The following PCDH17 variants were observed in gnomAD, a reference collection of about 807,000 sequenced individuals.
PCDH17 encodes the protein protocadherin-17.
A neutral mutation model predicts 67.7 loss-of-function variants in PCDH17; 21 were observed. The observed-to-expected ratio is 0.31, with a 90% CI of 0.22 to 0.45. The LOEUF is 0.45. Among genes scored for constraint, PCDH17 ranks in the 20% least tolerant of loss-of-function variants. PCDH17 has a pLI of 1.00. For missense variants in PCDH17, 1,471 were observed against 1,564.8 expected, an observed-to-expected ratio of 0.94 and a Z score of 1.01; for synonymous variants, 701 against 656.7, an observed-to-expected ratio of 1.07 and a Z score of -1.03.
chr13:57,721,917 A>C (rs1034342278), intron 3 of PCDH17, among the ~76,000 whole-genome samples: 1 of 152,058 alleles, frequency 6.6e-6, no homozygotes, highest in Non-Finnish European at 1.5e-5. Context: ...TCCCTCTCTC[A>C]CAAATTCTAA....
intron 1 of PCDH17, among the ~76,000 whole-genome samples, chr13:57,660,114 C>T (rs758674211): frequency 6.6e-6 from 1 of 152,042 alleles, no homozygotes; most frequent in Admixed American, 6.6e-5. Context: ...GCCATGTTGG[C>T]GCACCCTTGT....
intron 1 of PCDH17, among the ~76,000 whole-genome samples, chr13:57,653,975 C>T (rs1427451274): frequency 1.3e-5 from 2 of 152,056 alleles, no homozygotes; most frequent in African/African-American, 4.8e-5. Context: ...AGGTGCTTTC[C>T]ACATGTACAT....
chr13:57,673,466 G>A (rs1395459252), intron 3 of PCDH17, among the ~76,000 whole-genome samples: 1 of 151,932 alleles, frequency 6.6e-6, no homozygotes, highest in Admixed American at 6.6e-5. Context: ...CTGTTCAGCT[G>A]TTAGTGAGAC....
chr13:57,671,444 T>C (rs1955321191), intron 3 of PCDH17, among the ~76,000 whole-genome samples: 1 of 151,874 alleles, frequency 6.6e-6, no homozygotes, highest in Non-Finnish European at 1.5e-5. Flanking sequence ...AATAAAACTT[T>C]TTTAAGAGTT....
intron 1 of PCDH17, among the ~76,000 whole-genome samples, chr13:57,635,530 G>C (rs1478081878): frequency 1.3e-5 from 2 of 151,908 alleles, no homozygotes; most frequent in African/African-American, 4.8e-5. Flanking sequence ...AAAATGAAAG[G>C]AACTTATACC....
chr13:57,638,305 G>A (rs1010337838), intron 1 of PCDH17, among the ~76,000 whole-genome samples: 6 of 151,990 alleles, frequency 3.9e-5, no homozygotes, highest in Admixed American at 6.6e-5. Context: ...ACTGCTTATC[G>A]TGATTTATCA....
At chr13:57,706,695 G>T (rs1955724716) in intron 3 of PCDH17, among the ~76,000 whole-genome samples, 2 of 152,146 alleles carry the variant, frequency 1.3e-5, no homozygotes, top group Non-Finnish European at 2.9e-5. Flanking sequence ...TTCATCTTCT[G>T]TGTTGACAGG....
Position 57,667,470 on chromosome 13 carries a change from T to C in PCDH17, c.2797+637T>C, listed in dbSNP as rs1036638504. On this transcript the variant is annotated intron_variant, in intron 3 of 3. Transcript: ENST00000377918. ...TTTATTAATTTTAATGTTTTTGTTG[T>C]TTCAAATACAATAAAATGTTTGCTA... Among the ~76,000 whole-genome samples, 18 of 152,070 alleles carry C rather than the reference T, an allele frequency of 1.2e-4. 1 individual carries two copies. Among genetic ancestry groups the C allele is most frequent in the African/African-American group, 4.1e-4 (17 of 41,438 alleles).
chr13:57,727,066 G>A lies in PCDH17; in HGVS notation c.*1772G>A, dbSNP rs775719905. ...GCGAGTTTCAAACTTACTTCCATAT[G>A]AGGCTAAGAAACCTCAAATTTCAGG... On this transcript the variant is annotated 3_prime_UTR_variant, in exon 4 of 4. Transcript: ENST00000377918. 8 of 152,454 alleles carry A rather than the reference G, an allele frequency of 5.2e-5. No homozygotes were observed. The East Asian group carries it at 7.7e-4, about 15-fold the overall frequency. The allele number at this position is 152,454 out of a possible 1,614,324, so 9.4% of individuals were successfully genotyped here.
intron 1 of PCDH17, among the ~76,000 whole-genome samples, chr13:57,657,811 T>C (rs17054231): frequency 3.3e-4 from 51 of 152,340 alleles, no homozygotes; most frequent in Non-Finnish European, 6.0e-4. Flanking sequence ...ACTGAAAATA[T>C]AAATTTGGCT....
chr13:57,641,133 T>C (rs193008095), intron 1 of PCDH17, among the ~76,000 whole-genome samples: 26 of 151,992 alleles, frequency 1.7e-4, no homozygotes, highest in Admixed American at 1.1e-3. Context: ...CAAAGCACTT[T>C]TAAACTTCGT....
At chr13:57,664,409 TTA>T (rs1227043197) in intron 1 of PCDH17, among the ~76,000 whole-genome samples, 3 of 152,194 alleles carry the variant, frequency 2.0e-5, no homozygotes, top group Admixed American at 1.3e-4. Flanking sequence ...ATTTCTTAGC[TTA>T]TGTTTCTTAT....
chr13:57,640,158 A>G (rs2137981459), intron 1 of PCDH17, among the ~76,000 whole-genome samples: 1 of 152,088 alleles, frequency 6.6e-6, no homozygotes, highest in African/African-American at 2.4e-5. Context: ...ATATTTTATC[A>G]TGTTTCAGGA....
In PCDH17 at chr13:57,632,310, C is replaced by T. The variant is rs1458761014; in HGVS notation, c.-237C>T. ...CGCCTTGCTCCAAGCCCCTGCAGCT[C>T]TGCTGCACCGCAGCTTCTCACCCAG... On this transcript the variant is annotated 5_prime_UTR_variant, in exon 1 of 4. Coordinates refer to ENST00000377918, the MANE Select transcript of PCDH17 (RefSeq NM_001040429.3). The T allele has an allele frequency of 3.5e-6, 2 of 576,580 alleles. No homozygotes were observed. The highest frequency in any genetic ancestry group is 6.1e-6 in the Non-Finnish European group (2 of 326,930). The allele number at this position is 576,580 out of a possible 1,614,324, so 35.7% of individuals were successfully genotyped here.
At chr13:57,675,247 T>C (rs1566231422) in intron 3 of PCDH17, among the ~76,000 whole-genome samples, 2 of 151,966 alleles carry the variant, frequency 1.3e-5, no homozygotes, top group East Asian at 3.9e-4. Context: ...AGGATGTATA[T>C]ATTTTGTCAG....
intron 1 of PCDH17, among the ~76,000 whole-genome samples, chr13:57,646,047 A>G (rs1019344206): frequency 4.6e-5 from 7 of 151,562 alleles, no homozygotes; most frequent in Non-Finnish European, 1.0e-4. Flanking sequence ...TTGGGATTAC[A>G]TTTATTTTTA....
chr13:57,651,940 C>T (rs1955045986), intron 1 of PCDH17, among the ~76,000 whole-genome samples: 1 of 152,144 alleles, frequency 6.6e-6, no homozygotes, highest in South Asian at 2.1e-4. Flanking sequence ...CAATATTTCA[C>T]TTGGCCTAAA....
Position 57,632,321 on chromosome 13 carries a change from C to G in PCDH17, c.-226C>G. 1.7e-6 allele frequency: 1 copy of G among 583,598 alleles called. No homozygotes were observed. The highest frequency in any genetic ancestry group is 2.2e-5 in the South Asian group (1 of 45,536). The allele number at this position is 583,598 out of a possible 1,614,324, so 36.2% of individuals were successfully genotyped here. A position where few individuals can be genotyped will look rare whatever the true frequency, so the allele number is the denominator to read the frequency against. ...AAGCCCCTGCAGCTCTGCTGCACCGCAGCTTCTCACCCAGTGCGGATGCTG... is the reference window on the plus strand; with the variant it reads ...AAGCCCCTGCAGCTCTGCTGCACCGGAGCTTCTCACCCAGTGCGGATGCTG... On this transcript the variant is annotated 5_prime_UTR_variant, in exon 1 of 4. Transcript: ENST00000377918.
At chr13:57,703,441 G>A (rs1042154986) in intron 3 of PCDH17, among the ~76,000 whole-genome samples, 5 of 152,146 alleles carry the variant, frequency 3.3e-5, no homozygotes, top group African/African-American at 9.6e-5. Context: ...ATAAGGAGGA[G>A]TGAGCAAAAG....
Sources: gnomAD v4.1 joint callset for allele counts (sites outside exome capture counted in the v4.1 genomes callset) on GRCh38, gnomAD v4.1.1 for gene constraint, MANE v1.5 for transcripts, NCBI Gene and HGNC (gene_info 2026-07-23, HGNC 2026-07-21) for gene names.